The following SLC6A6 variants were observed in gnomAD, a reference collection of about 807,000 sequenced individuals.
SLC6A6 encodes solute carrier family 6 member 6, also known as sodium- and chloride-dependent taurine transporter.
In SLC6A6, 16 loss-of-function variants were observed where a neutral mutation model predicts 68.8. The ratio of observed to expected loss-of-function variants is 0.23; its 90% CI spans 0.16 to 0.35. The LOEUF (loss-of-function observed/expected upper bound fraction) is 0.35. SLC6A6 is among the 10% of genes least tolerant of loss of function. The probability of loss-of-function intolerance (pLI) is 1.00; values close to 1 mark genes in which losing one functional copy is unlikely to be tolerated. For synonymous variants in SLC6A6, 312 were observed against 315.4 expected (o/e 0.99, Z 0.12); for missense variants, 474 against 802.8 (o/e 0.59, Z 4.95).
chr3:14,469,792 G>A (rs548711327), intron 9 of SLC6A6, among the ~76,000 whole-genome samples: 8 of 152,148 alleles, frequency 5.3e-5, no homozygotes, highest in Admixed American at 5.2e-4. Flanking sequence ...ACACTGCCCA[G>A]CCCCATCCTG....
chr3:14,406,309 G>A (rs373353162), intron 1 of SLC6A6, among the ~76,000 whole-genome samples: 1 of 152,096 alleles, frequency 6.6e-6, no homozygotes, highest in African/African-American at 2.4e-5. Context: ...CGTGCCAGCC[G>A]GAGGGCCTTG....
chr3:14,475,252 G>A (rs1370405579), intron 10 of SLC6A6, among the ~76,000 whole-genome samples: 3 of 151,302 alleles, frequency 2.0e-5, no homozygotes, highest in African/African-American at 4.9e-5. Flanking sequence ...GGCTGGTCTC[G>A]AACTCCTGAC....
rs115092050 is a variant in SLC6A6, at chr3:14,476,964, C to G, written c.1210-241C>G. On this transcript the variant is annotated intron_variant, in intron 10 of 14. Transcript: ENST00000622186. ...GCAGAGGTGTGGAATATTTGGCCAG[C>G]TCGGTGTGGACCACCGAATGTTGCG... 5.8e-3 allele frequency among the ~76,000 whole-genome samples: 887 copies of G among 152,300 alleles called. 8 individuals are homozygous for G. The highest frequency in any genetic ancestry group is 0.02 in the African/African-American group (847 of 41,564).
chr3:14,429,329 G>C (rs954352834), intron 2 of SLC6A6, among the ~76,000 whole-genome samples: 2 of 152,176 alleles, frequency 1.3e-5, no homozygotes, highest in African/African-American at 4.8e-5. Context: ...TCATCTGCCA[G>C]GGCCTGGTGA....
intron 2 of SLC6A6, among the ~76,000 whole-genome samples, chr3:14,420,915 C>CAAAGCT (rs1415499383): frequency 6.6e-6 from 1 of 152,216 alleles, no homozygotes; most frequent in Non-Finnish European, 1.5e-5. Context: ...TTTTGTCTGG[C>CAAAGCT]AAAGCTGAAG....
At chr3:14,467,831 G>C in intron 7 of SLC6A6, 22 bp from the exon 8 acceptor site, 1 of 1,513,236 alleles carries the variant, frequency 6.6e-7, no homozygotes, top group Non-Finnish European at 9.1e-7. Flanking sequence ...CTCTTTCCTT[G>C]CCACCTCCCT....
chr3:14,437,891 G>C (rs546391785), intron 2 of SLC6A6, among the ~76,000 whole-genome samples: 254 of 151,592 alleles, frequency 1.7e-3, no homozygotes, highest in Non-Finnish European at 2.5e-3. Flanking sequence ...GCAGTGGTGC[G>C]ATCTTGGCTC....
chr3:14,439,858 T>G (rs893983758), intron 2 of SLC6A6, among the ~76,000 whole-genome samples: 7 of 152,114 alleles, frequency 4.6e-5, no homozygotes, highest in Admixed American at 4.6e-4. Flanking sequence ...GAGGTCAGAC[T>G]GAGCCGCAGA....
chr3:14,465,692 C>T (rs141971252), intron 6 of SLC6A6, among the ~76,000 whole-genome samples: 160 of 152,338 alleles, frequency 1.1e-3, no homozygotes, highest in African/African-American at 3.8e-3. Flanking sequence ...TATCTGATCC[C>T]TAACCATAGG....
chr3:14,439,777 G>T (rs557646868), intron 2 of SLC6A6, among the ~76,000 whole-genome samples: 1 of 152,200 alleles, frequency 6.6e-6, no homozygotes. Flanking sequence ...GGAAGCTGGG[G>T]TGACTGGCCT....
chr3:14,477,159 G>C lies in SLC6A6; in HGVS notation c.1210-46G>C. On this transcript the variant is annotated intron_variant, in intron 10 of 14. Transcript: ENST00000622186. This position sits in a 1 kb window ranked among gnomAD's most constrained non-coding sequence, Gnocchi z 4.2. ...TCCCTCCGAGCAGCAGGCAAGGGTG[G>C]CCTGAGCGTCAGCCGCTCACCAGCT... The C allele has an allele frequency of 3.2e-6, 5 of 1,586,264 alleles. No homozygotes were observed. The highest frequency in any genetic ancestry group is 4.3e-6 in the Non-Finnish European group (5 of 1,159,918).
intron 5 of SLC6A6, among the ~76,000 whole-genome samples, chr3:14,452,309 C>T (rs886990872): frequency 1.3e-5 from 2 of 152,200 alleles, no homozygotes; most frequent in South Asian, 2.1e-4. Context: ...ACAGAAGTAG[C>T]GTGGTCCCAA....
chr3:14,466,352 T>C (rs1290083152), intron 6 of SLC6A6, among the ~76,000 whole-genome samples, 164 bp from the exon 7 acceptor site: 1 of 137,792 alleles, frequency 7.3e-6, no homozygotes, highest in Non-Finnish European at 1.6e-5. Flanking sequence ...AGACCCAGAG[T>C]GGTTAAGCAA....
intron 4 of SLC6A6, among the ~76,000 whole-genome samples, chr3:14,447,222 A>G (rs1175292699): frequency 9.6e-5 from 7 of 72,872 alleles, no homozygotes; most frequent in Non-Finnish European, 1.9e-4. Flanking sequence ...CTATTCAGCT[A>G]TCCATCCATC....
chr3:14,420,565 G>A (rs1004794552), intron 2 of SLC6A6, among the ~76,000 whole-genome samples: 1 of 146,062 alleles, frequency 6.8e-6, no homozygotes, highest in Admixed American at 7.0e-5. Flanking sequence ...ATCATAGCTC[G>A]CTACAGCCTT....
intron 2 of SLC6A6, among the ~76,000 whole-genome samples, chr3:14,421,078 A>AAT (rs1699475166): frequency 1.3e-5 from 2 of 152,182 alleles, no homozygotes; most frequent in African/African-American, 2.4e-5. Context: ...ACTCTGGCCT[A>AAT]ATATCAGTGA....
rs1701249725 is a variant in SLC6A6 at position 14,488,846 on chromosome 3, G to A, written c.*3839G>A. On this transcript the variant is annotated 3_prime_UTR_variant, in exon 15 of 15. Transcript: ENST00000622186. ...GTGGGTGTCACTACAGACATGTTCT[G>A]GCGTGTTCTCCGAGGGATGGAGCAT... 6.6e-6 allele frequency: 1 copy of A among 152,454 alleles called. No homozygotes were observed. The highest frequency in any genetic ancestry group is 2.4e-5 in the African/African-American group (1 of 41,364). 9.4% of individuals were successfully genotyped at this position (152,454 alleles called of 1,614,324 possible).
At chr3:14,461,594 G>T (rs1311411134) in intron 6 of SLC6A6, among the ~76,000 whole-genome samples, 1 of 152,206 alleles carries the variant, frequency 6.6e-6, no homozygotes, top group African/African-American at 2.4e-5. Flanking sequence ...CTGAGGCTGG[G>T]GCTCTTCGCT....
Position 14,450,722 on chromosome 3 carries a change from A to G in SLC6A6, c.599+2906A>G, listed in dbSNP as rs923946007. Among the ~76,000 whole-genome samples, 1 of 152,232 alleles carries G rather than the reference A, an allele frequency of 6.6e-6. No homozygotes were observed. Among genetic ancestry groups the G allele is most frequent in the Admixed American group, 6.5e-5 (1 of 15,292 alleles). On this transcript the variant is annotated intron_variant, in intron 5 of 14. Transcript: ENST00000622186. This position sits in a 1 kb window ranked among gnomAD's most constrained non-coding sequence, Gnocchi z 4.1. ...AGGCCAGAGAGCTACACCAGGGGACAGCTCAGTTCCAGCCCTGAGCCAGGT... is the reference window on the plus strand; with the variant it reads ...AGGCCAGAGAGCTACACCAGGGGACGGCTCAGTTCCAGCCCTGAGCCAGGT...
Sources: gnomAD v4.1 joint callset for allele counts (sites outside exome capture counted in the v4.1 genomes callset) on GRCh38, gnomAD v4.1.1 for gene constraint, Gnocchi (gnomAD v3.1) non-coding constraint, MANE v1.5 for transcripts, NCBI Gene and HGNC (gene_info 2026-07-23, HGNC 2026-07-21) for gene names.